Variants in PRTG observed in about 807,000 individuals in gnomAD.
PRTG encodes protogenin.
In PRTG, 67 loss-of-function variants were observed where a neutral mutation model predicts 122.5. The observed-to-expected ratio is 0.55, with a 90% confidence interval of 0.45 to 0.67. PRTG has a LOEUF of 0.67. Ranked by LOEUF, PRTG falls within the 30% of genes least tolerant of loss-of-function variation. The pLI is 0.00. For synonymous variants in PRTG, 554 were observed against 501.1 expected, an observed-to-expected ratio of 1.11 and a Z score of -1.41; for missense variants, 1,435 against 1,415.4, an observed-to-expected ratio of 1.01 and a Z score of -0.22.
At chr15:55,631,097 T>C (rs2059225162) in intron 15 of PRTG, among the ~76,000 whole-genome samples, 1 of 152,166 alleles carries the variant, frequency 6.6e-6, no homozygotes. Context: ...CACAACTTGT[T>C]TTCATGTTCT....
intron 2 of PRTG, among the ~76,000 whole-genome samples, chr15:55,715,302 G>T (rs1448733602): frequency 2.0e-5 from 3 of 152,190 alleles, no homozygotes; most frequent in East Asian, 1.9e-4. Context: ...GGCTAATCAG[G>T]ATATTTTCCA....
At chr15:55,723,928 T>A (rs2030930649) in intron 2 of PRTG, among the ~76,000 whole-genome samples, 1 of 151,990 alleles carries the variant, frequency 6.6e-6, no homozygotes. Flanking sequence ...ATTGTTTGTA[T>A]TTTTAGTAGA....
chr15:55,677,595 A>AG (rs2059509777), intron 8 of PRTG, among the ~76,000 whole-genome samples: 1 of 152,232 alleles, frequency 6.6e-6, no homozygotes, highest in Non-Finnish European at 1.5e-5. Context: ...GAAAAATCTT[A>AG]AACTATACTT....
At chr15:55,737,718 T>C (rs1220140514) in intron 2 of PRTG, among the ~76,000 whole-genome samples, 3 of 152,150 alleles carry the variant, frequency 2.0e-5, no homozygotes, top group Non-Finnish European at 4.4e-5. Flanking sequence ...AGTGCAACTT[T>C]CAGCTTCTAG....
Position 55,742,861 on chromosome 15 carries a change from A to AGGAGCAGGAGCGCGC in PRTG, c.56_70dup (p.Arg19_Leu23dup), listed in dbSNP as rs1254786444. 3.9e-6 allele frequency: 6 copies of AGGAGCAGGAGCGCGC among 1,537,528 alleles called. No individual in the cohort carries two copies. The Admixed American group carries it at 1.2e-4, about 30-fold the overall frequency. ...ACCTGGCAAAGGACTGAGCAGCAGC[A>AGGAGCAGGAGCGCGC]GGAGCAGGAGCGCGCGGAGCAGCAT... On this transcript the variant is annotated inframe_insertion, in exon 1 of 20. Transcript: ENST00000389286.
chr15:55,656,808 A>T (rs967571561), intron 11 of PRTG, among the ~76,000 whole-genome samples: 1 of 152,228 alleles, frequency 6.6e-6, no homozygotes, highest in Admixed American at 6.5e-5. Flanking sequence ...CCAGAGCAGT[A>T]TAATTGTCTT....
chr15:55,718,421 G>C (rs781443752), intron 2 of PRTG, among the ~76,000 whole-genome samples: 3 of 151,924 alleles, frequency 2.0e-5, no homozygotes, highest in Non-Finnish European at 4.4e-5. Context: ...AAGCGTTGCT[G>C]AGTCTTTCTA....
chr15:55,718,028 C>G (rs557886190), intron 2 of PRTG, among the ~76,000 whole-genome samples: 1 of 152,336 alleles, frequency 6.6e-6, no homozygotes, highest in East Asian at 1.9e-4. Flanking sequence ...GGTCTTCAGA[C>G]TAACCAGCCC....
At chr15:55,702,111 C>T (rs1234613650) in intron 2 of PRTG, among the ~76,000 whole-genome samples, 3 of 152,104 alleles carry the variant, frequency 2.0e-5, no homozygotes, top group Non-Finnish European at 4.4e-5. Flanking sequence ...TTCAAGAAGG[C>T]TATACTTCTT....
chr15:55,740,300 G>A, intron 2 of PRTG, 82 bp downstream of exon 2: 2 of 1,297,146 alleles, frequency 1.5e-6, no homozygotes, highest in Non-Finnish European at 2.1e-6. Flanking sequence ...GCATGATTCG[G>A]GGGATTATTA....
At position 55,656,240 on chromosome 15, in the gene PRTG, A is replaced by G. The variant is rs186090959; in HGVS notation, c.2042-15032T>C. On this transcript the variant is annotated intron_variant, in intron 11 of 19. Transcript: ENST00000389286. The stretch of plus-strand genomic sequence containing the variant: ...CACGCTCCACATCGTGTCTCCATCT[A>G]GAACTGTCTCCTGCTCTTTTCCTGT... The G allele has an allele frequency of 6.2e-4, 262 of 425,460 alleles. 8 individuals carry two copies. In the Admixed American group the frequency reaches 7.0e-3, roughly 11 times the overall value. 26.4% of individuals were successfully genotyped at this position (425,460 alleles called of 1,614,324 possible).
At chr15:55,695,958 G>A (rs2059629958) in intron 2 of PRTG, among the ~76,000 whole-genome samples, 1 of 152,006 alleles carries the variant, frequency 6.6e-6, no homozygotes, top group Non-Finnish European at 1.5e-5. Flanking sequence ...GTGACAGTGT[G>A]AGACCCCATC....
rs1171561645 is a variant in PRTG, at chr15:55,733,514, C to CAA, written c.397+6866_397+6867dup. On this transcript the variant is annotated intron_variant, in intron 2 of 19. Coordinates refer to ENST00000389286, the MANE Select transcript of PRTG (RefSeq NM_173814.6). ...AACAAGAGCAAAACTCTGTCTCAAA[C>CAA]AAAAAAAAAAAAAAAAAAAAAGTAA... is the stretch of plus-strand genomic sequence containing the variant. Among the ~76,000 whole-genome samples the CAA allele has an allele frequency of 3.8e-3, 292 of 76,374 alleles. 3 individuals are homozygous for CAA. The highest frequency in any genetic ancestry group is 8.8e-3 in the Middle Eastern group (1 of 114). The allele number at this position is 76,374 out of a possible 152,430, so 50.1% of individuals were successfully genotyped here.
In PRTG at chr15:55,742,839, T is replaced by G; in HGVS notation, c.93A>C (p.Pro31=). The part of the protein sequence containing the change: ...LLLLLLLSPL[P]GVWCFSELSF... Reference sequence around the variant, plus strand: ...GAAAGCAGAAGAAAGCGCGCCCACCTGGCAAAGGACTGAGCAGCAGCAGGA... The same window carrying G: ...GAAAGCAGAAGAAAGCGCGCCCACCGGGCAAAGGACTGAGCAGCAGCAGGA... Residue 31 remains proline, a splice_region_variant and synonymous_variant, in exon 1 of 20, where the codon CCA becomes CCC. Transcript: ENST00000389286. 1 of 1,541,696 alleles carries G rather than the reference T, an allele frequency of 6.5e-7. No homozygotes were observed. Among genetic ancestry groups the G allele is most frequent in the South Asian group, 1.2e-5 (1 of 83,820 alleles).
At chr15:55,646,486 C>A (rs961172770) in intron 11 of PRTG, among the ~76,000 whole-genome samples, 2 of 151,062 alleles carry the variant, frequency 1.3e-5, no homozygotes, top group Admixed American at 6.6e-5. Flanking sequence ...CCACGCCCGG[C>A]CAATTTTTTG....
At position 55,615,990 on chromosome 15, in the gene PRTG, A is replaced by C. The variant is rs548481048; in HGVS notation, c.*4022T>G. ...TAACAAAGCCAAGACAAACTGATGC[A>C]AACCTCTGTCATTGTTCCCAATGTT... is the stretch of plus-strand genomic sequence containing the variant. On this transcript the variant is annotated 3_prime_UTR_variant, in exon 20 of 20. Transcript: ENST00000389286. 1 of 152,208 alleles carries C rather than the reference A, an allele frequency of 6.6e-6. No homozygotes were observed. The highest frequency in any genetic ancestry group is 1.5e-5 in the Non-Finnish European group (1 of 67,978). 9.4% of individuals were successfully genotyped at this position (152,208 alleles called of 1,614,324 possible).
intron 11 of PRTG, among the ~76,000 whole-genome samples, chr15:55,667,688 T>C (rs1319245298): frequency 6.6e-6 from 1 of 152,222 alleles, no homozygotes; most frequent in Non-Finnish European, 1.5e-5. Flanking sequence ...ACTCACACTT[T>C]CGTCAGTTAG....
In PRTG at chr15:55,654,294, C is replaced by T. The variant is rs997070511; in HGVS notation, c.2042-13086G>A. Among the ~76,000 whole-genome samples, 19 of 152,240 alleles carry T rather than the reference C, an allele frequency of 1.2e-4. 1 individual carries two copies. Among genetic ancestry groups the T allele is most frequent in the Admixed American group, 6.5e-4 (10 of 15,288 alleles). ...AAAAGAAAAGAACACTTCAAAAGGA[C>T]AGTGGCTTAACTGTCCCAGAATTTA... is the stretch of plus-strand genomic sequence containing the variant. On this transcript the variant is annotated intron_variant, in intron 11 of 19. Coordinates refer to ENST00000389286, the MANE Select transcript of PRTG (RefSeq NM_173814.6).
chr15:55,667,786 G>C (rs1007071364), intron 11 of PRTG, among the ~76,000 whole-genome samples: 1 of 152,162 alleles, frequency 6.6e-6, no homozygotes, highest in African/African-American at 2.4e-5. Context: ...TTTTGTGACT[G>C]CTGGACAGAA....
Sources: gnomAD v4.1 joint callset for allele counts (sites outside exome capture counted in the v4.1 genomes callset) on GRCh38, gnomAD v4.1.1 for gene constraint, MANE v1.5 for transcripts, NCBI Gene and HGNC (gene_info 2026-07-23, HGNC 2026-07-21) for gene names.